ST8SIA6: variants seen among roughly 807,000 people sequenced by gnomAD.
The protein encoded by ST8SIA6 is alpha-2,8-sialyltransferase 8F.
Under a neutral mutation model 33.6 loss-of-function variants are expected in ST8SIA6, and 39 were observed. The ratio of observed to expected loss-of-function variants is 1.16; its 90% CI spans 0.90 to 1.52. The LOEUF is 1.52. Among genes scored for constraint, ST8SIA6 ranks in the 40% most tolerant of loss-of-function variants. ST8SIA6 has a pLI of 0.00. For missense variants in ST8SIA6, 441 were observed against 443.8 expected (o/e 0.99, Z 0.06); for synonymous variants, 172 against 167.2 (o/e 1.03, Z -0.22).
At chr10:17,387,454 G>T (rs370546208) in intron 3 of ST8SIA6, among the ~76,000 whole-genome samples, 7 of 137,802 alleles carry the variant, frequency 5.1e-5, no homozygotes, top group East Asian at 2.5e-4. Context: ...GGGCGGGGGG[G>T]GGGGGGTTCT....
chr10:17,451,165 A>G (rs1435647928), intron 2 of ST8SIA6, among the ~76,000 whole-genome samples: 1 of 152,216 alleles, frequency 6.6e-6, no homozygotes, highest in Non-Finnish European at 1.5e-5. Context: ...AAAGTCATGG[A>G]ATCAACCTAA....
chr10:17,395,936 A>G (rs985348411), intron 2 of ST8SIA6, among the ~76,000 whole-genome samples: 1 of 152,172 alleles, frequency 6.6e-6, no homozygotes, highest in African/African-American at 2.4e-5. Flanking sequence ...TGTTCACATC[A>G]GAACTGCCAA....
intron 2 of ST8SIA6, among the ~76,000 whole-genome samples, chr10:17,452,689 C>G (rs1852957844): frequency 6.6e-6 from 1 of 151,958 alleles, no homozygotes; most frequent in African/African-American, 2.4e-5. Flanking sequence ...AAAACAGAAA[C>G]AAGAAGCAAC....
At chr10:17,437,100 A>G (rs539939044) in intron 2 of ST8SIA6, among the ~76,000 whole-genome samples, 52 of 152,218 alleles carry the variant, frequency 3.4e-4, no homozygotes, top group African/African-American at 1.1e-3. Context: ...TTGCAATTCT[A>G]TGATTCCCAA....
chr10:17,343,399 C>T (rs1002732435), intron 4 of ST8SIA6, among the ~76,000 whole-genome samples: 3 of 152,126 alleles, frequency 2.0e-5, no homozygotes, highest in African/African-American at 7.2e-5. Flanking sequence ...TATTCGTAAG[C>T]TCATAAATGT....
chr10:17,376,392 G>C (rs529121503), intron 3 of ST8SIA6, among the ~76,000 whole-genome samples: 1 of 151,528 alleles, frequency 6.6e-6, no homozygotes, highest in South Asian at 2.1e-4. Context: ...TTTTATTAGA[G>C]CAGTGTGTCT....
chr10:17,421,254 C>T (rs1487654046), intron 2 of ST8SIA6, among the ~76,000 whole-genome samples: 1 of 152,208 alleles, frequency 6.6e-6, no homozygotes, highest in Admixed American at 6.5e-5. Flanking sequence ...GCTGAGTCCT[C>T]TGTTGCAACT....
intron 2 of ST8SIA6, among the ~76,000 whole-genome samples, chr10:17,421,256 G>C (rs1851773362): frequency 6.6e-6 from 1 of 152,186 alleles, no homozygotes; most frequent in Non-Finnish European, 1.5e-5. Flanking sequence ...TGAGTCCTCT[G>C]TTGCAACTGC....
At chr10:17,388,199 C>T (rs1183603431) in intron 3 of ST8SIA6, among the ~76,000 whole-genome samples, 1 of 152,118 alleles carries the variant, frequency 6.6e-6, no homozygotes, top group Non-Finnish European at 1.5e-5. Context: ...TCTTTTAGAC[C>T]CAGGGAGTTC....
chr10:17,359,498 T>A lies in ST8SIA6; in HGVS notation c.377+16A>T. The A allele has an allele frequency of 6.4e-7, 1 of 1,554,722 alleles. No individual in the cohort carries two copies. The highest frequency in any genetic ancestry group is 1.2e-5 in the South Asian group (1 of 85,986). On this transcript the variant is annotated intron_variant, in intron 4 of 7. Transcript: ENST00000377602. Reference sequence around the variant, plus strand: ...AGACATTTTTAAAATCTCATATTATTTATGAAAAAAATTACCTAAAATTTG... The same window carrying A: ...AGACATTTTTAAAATCTCATATTATATATGAAAAAAATTACCTAAAATTTG...
intron 6 of ST8SIA6, among the ~76,000 whole-genome samples, chr10:17,326,447 T>C (rs990985663): frequency 1.3e-5 from 2 of 152,220 alleles, no homozygotes; most frequent in African/African-American, 4.8e-5. Flanking sequence ...TTTTGCATGC[T>C]AGCTGATATT....
In ST8SIA6 at chr10:17,327,027, C is replaced by A; in HGVS notation, c.622G>T (p.Asp208Tyr). 1 of 1,596,068 alleles carries A rather than the reference C, an allele frequency of 6.3e-7. No homozygotes were observed. Among genetic ancestry groups the A allele is most frequent in the South Asian group, 1.1e-5 (1 of 87,282 alleles). ...SLCGTEIDKS[D>Y]FVFRCNLPPT... Reference sequence around the variant, plus strand: ...GTCAGGTCTTACCTAAAAACGAAGTCGGATTTATCTATTTCAGTTCCACAG... The same window carrying A: ...GTCAGGTCTTACCTAAAAACGAAGTAGGATTTATCTATTTCAGTTCCACAG... Residue 208 changes from aspartate to tyrosine, a missense_variant, in exon 6 of 8, where the codon GAC becomes TAC. By Grantham distance (160) the Asp-to-Tyr change is radical. Transcript: ENST00000377602.
intron 2 of ST8SIA6, among the ~76,000 whole-genome samples, chr10:17,414,124 G>C (rs894304327): frequency 1.3e-5 from 2 of 151,316 alleles, no homozygotes; most frequent in African/African-American, 4.9e-5. Context: ...TTCTTTTTCT[G>C]TTGTCCTTGA....
At chr10:17,377,522 T>C (rs1849958284) in intron 3 of ST8SIA6, among the ~76,000 whole-genome samples, 1 of 152,228 alleles carries the variant, frequency 6.6e-6, no homozygotes, top group Admixed American at 6.5e-5. Context: ...CACCAGGGGA[T>C]AGGCATGTGA....
chr10:17,383,395 AG>A (rs1190361794), intron 3 of ST8SIA6, among the ~76,000 whole-genome samples: 4 of 152,204 alleles, frequency 2.6e-5, no homozygotes, highest in African/African-American at 9.6e-5. Context: ...TAGTTTTCTT[AG>A]GGCTGTATTT....
chr10:17,398,010 A>G (rs867662754), intron 2 of ST8SIA6, among the ~76,000 whole-genome samples: 7 of 152,308 alleles, frequency 4.6e-5, no homozygotes, highest in Middle Eastern at 3.4e-3. Flanking sequence ...AGAGACTACA[A>G]TGGCTACTGC....
chr10:17,342,089 A>G (rs1848698062), intron 4 of ST8SIA6, among the ~76,000 whole-genome samples: 1 of 152,156 alleles, frequency 6.6e-6, no homozygotes, highest in Non-Finnish European at 1.5e-5. Context: ...ATGCCATTTG[A>G]TGATAGCAGC....
intron 2 of ST8SIA6, among the ~76,000 whole-genome samples, chr10:17,405,814 G>A (rs1851234329): frequency 6.6e-6 from 1 of 150,720 alleles, no homozygotes; most frequent in African/African-American, 2.4e-5. Context: ...TCCAGGAGGT[G>A]GAGGTTGCAG....
chr10:17,437,117 C>T (rs558313668), intron 2 of ST8SIA6, among the ~76,000 whole-genome samples: 1 of 152,184 alleles, frequency 6.6e-6, no homozygotes, highest in South Asian at 2.1e-4. Flanking sequence ...CCAAATAAAA[C>T]ATTTCACTTA....
Sources: allele counts gnomAD v4.1 joint callset (sites outside exome capture counted in the v4.1 genomes callset), GRCh38; gene constraint gnomAD v4.1.1; transcripts MANE v1.5; gene names NCBI Gene and HGNC (gene_info 2026-07-23, HGNC 2026-07-21).